The following DYNC1I1 variants were observed in gnomAD, a reference collection of about 807,000 sequenced individuals.
DYNC1I1 encodes the protein cytoplasmic dynein 1 intermediate chain 1.
Under a neutral mutation model 86.6 loss-of-function variants are expected in DYNC1I1, and 43 were observed. The observed-to-expected ratio is 0.50, with a 90% CI of 0.39 to 0.64. The LOEUF (loss-of-function observed/expected upper bound fraction) is 0.64, where lower values mean the gene tolerates loss of function less well. Ranked by LOEUF, DYNC1I1 falls within the 30% of genes least tolerant of loss-of-function variation. The probability of loss-of-function intolerance (pLI) is 0.00; values close to 1 mark genes in which losing one functional copy is unlikely to be tolerated. For synonymous variants in DYNC1I1, 262 were observed against 283.7 expected (o/e 0.92, Z 0.77); for missense variants, 604 against 788.8 (o/e 0.77, Z 2.81).
At position 96,097,646 on chromosome 7, in the gene DYNC1I1, C is replaced by T. The variant is rs1224064746; in HGVS notation, c.*53C>T. 58 of 1,606,466 alleles carry T rather than the reference C, an allele frequency of 3.6e-5. No individual in the cohort carries two copies. The highest frequency in any genetic ancestry group is 4.9e-5 in the Non-Finnish European group (58 of 1,175,932). The stretch of plus-strand genomic sequence containing the variant: ...CCCACCTTTGTGTCCTAGAGCTCAG[C>T]GTCTGCAGTCAAGTCTCTTGTATTC... On this transcript the variant is annotated 3_prime_UTR_variant, in exon 17 of 17. Coordinates refer to ENST00000447467, the MANE Select transcript of DYNC1I1 (RefSeq NM_001135556.2).
intron 5 of DYNC1I1, among the ~76,000 whole-genome samples, chr7:95,845,968 A>G (rs1246600146): frequency 6.6e-6 from 1 of 152,170 alleles, no homozygotes; most frequent in Non-Finnish European, 1.5e-5. Context: ...TCAAAGAACA[A>G]TATTTCTTTT....
intron 14 of DYNC1I1, among the ~76,000 whole-genome samples, chr7:96,074,550 C>CAAAAAA (rs61571160): frequency 1.5e-5 from 1 of 66,936 alleles, no homozygotes; most frequent in Non-Finnish European, 3.1e-5. Context: ...GACTCCGTCT[C>CAAAAAA]AAAAAAAAAA....
chr7:96,028,312 T>G lies in DYNC1I1; in HGVS notation c.1107T>G (p.Ala369=). 1 of 1,608,848 alleles carries G rather than the reference T, an allele frequency of 6.2e-7. No individual in the cohort carries two copies. Among genetic ancestry groups the G allele is most frequent in the Non-Finnish European group, 8.5e-7 (1 of 1,175,850 alleles). Residue 369 remains alanine (A), a synonymous_variant, in exon 11 of 17, where the codon GCT becomes GCG. Coordinates refer to ENST00000447467, the MANE Select transcript of DYNC1I1 (RefSeq NM_001135556.2). ...TGCAGCGGACACCCTTATCAGCTGC[T>G]GCACACACGGTAATGCAAACTTTTG... The part of the protein sequence containing the change: ...TPVQRTPLSA[A]AHTHPVYCVN...
chr7:95,961,928 C>G (rs113483594), intron 6 of DYNC1I1, among the ~76,000 whole-genome samples: 4,472 of 152,240 alleles, frequency 0.029, 94 homozygotes, highest in South Asian at 0.1. Context: ...TTTGTCTTCC[C>G]TTGACCTTGA....
chr7:95,808,003 G>A (rs1794741275), intron 2 of DYNC1I1, among the ~76,000 whole-genome samples: 1 of 152,094 alleles, frequency 6.6e-6, no homozygotes, highest in South Asian at 2.1e-4. Context: ...GAATGAATGA[G>A]TGAATAAATG....
At chr7:95,926,417 T>C (rs1399529124) in intron 6 of DYNC1I1, among the ~76,000 whole-genome samples, 1 of 152,178 alleles carries the variant, frequency 6.6e-6, no homozygotes, top group Non-Finnish European at 1.5e-5. Flanking sequence ...CAAAAATGTA[T>C]GTGAATCTGA....
chr7:95,899,376 C>A (rs1319009514), intron 6 of DYNC1I1, among the ~76,000 whole-genome samples: 1 of 152,134 alleles, frequency 6.6e-6, no homozygotes, highest in Non-Finnish European at 1.5e-5. Flanking sequence ...CGGGATGCCT[C>A]CATGGGCCAT....
At chr7:95,943,347 C>G (rs1792294142) in intron 6 of DYNC1I1, among the ~76,000 whole-genome samples, 1 of 151,694 alleles carries the variant, frequency 6.6e-6, no homozygotes, top group Admixed American at 6.6e-5. Context: ...AGGAGAACTA[C>G]AAACCACTGC....
Position 95,912,834 on chromosome 7 carries a change from C to T in DYNC1I1, c.490+42836C>T, listed in dbSNP as rs182349749. ...CAGCTTCTAAACAGTGGGAGGACCA[C>T]CTCAAAGGCAGGAGATTGGTGGGCT... On this transcript the variant is annotated intron_variant, in intron 6 of 16. Transcript: ENST00000447467. Among the ~76,000 whole-genome samples the T allele has an allele frequency of 3.3e-5, 5 of 152,264 alleles. No individual in the cohort carries two copies. The East Asian group carries it at 9.7e-4, about 29-fold the overall frequency.
intron 6 of DYNC1I1, among the ~76,000 whole-genome samples, chr7:95,976,317 C>T (rs1345551837): frequency 6.6e-6 from 1 of 152,134 alleles, no homozygotes; most frequent in Non-Finnish European, 1.5e-5. Context: ...CTATATTTTA[C>T]ATATCTGTAT....
chr7:95,869,102 A>G lies in DYNC1I1; in HGVS notation c.375-781A>G, dbSNP rs1206487132. Among the ~76,000 whole-genome samples the G allele has an allele frequency of 6.6e-5, 10 of 152,202 alleles. No homozygotes were observed. In the East Asian group the frequency reaches 1.9e-3, roughly 29 times the overall value. ...TATACTTGGGCACATCTCTTAACGG[A>G]ATCTCACTATCCTCATCTGTAAAAT... On this transcript the variant is annotated intron_variant, in intron 5 of 16. Transcript: ENST00000447467.
At chr7:95,858,709 A>G (rs576165388) in intron 5 of DYNC1I1, among the ~76,000 whole-genome samples, 1 of 151,790 alleles carries the variant, frequency 6.6e-6, no homozygotes, top group South Asian at 2.1e-4. Context: ...CATACATATG[A>G]TGCATTGTTG....
Position 95,979,015 on chromosome 7 carries a change from C to T in DYNC1I1, c.580+1414C>T, listed in dbSNP as rs1041431283. On this transcript the variant is annotated intron_variant, in intron 7 of 16. Coordinates refer to ENST00000447467, the MANE Select transcript of DYNC1I1 (RefSeq NM_001135556.2). ...TTCACCATACTGGCCAGGCTGGTCT[C>T]GAACTCCTGACCTCGTGATCCACCC... Among the ~76,000 whole-genome samples the T allele has an allele frequency of 7.2e-5, 11 of 152,062 alleles. No homozygotes were observed. The South Asian group carries it at 2.1e-3, about 29-fold the overall frequency.
intron 6 of DYNC1I1, among the ~76,000 whole-genome samples, chr7:95,880,739 G>T (rs938052060): frequency 6.8e-6 from 1 of 146,106 alleles, no homozygotes; most frequent in African/African-American, 2.6e-5. Context: ...TCCGCCTCCT[G>T]AGTTCAACCG....
chr7:96,055,495 G>A (rs978162616), intron 14 of DYNC1I1, among the ~76,000 whole-genome samples: 7 of 152,086 alleles, frequency 4.6e-5, no homozygotes, highest in African/African-American at 1.7e-4. Flanking sequence ...AGTACCAGAA[G>A]AATGAGAATA....
At position 95,912,677 on chromosome 7, in the gene DYNC1I1, T is replaced by C. The variant is rs557999293; in HGVS notation, c.490+42679T>C. On this transcript the variant is annotated intron_variant, in intron 6 of 16. Transcript: ENST00000447467. ...AGGCTTGCCCCCTCTTTGACCAACATGCCAGGCAGCTTTGGAGGCGGGAGG... is the reference window on the plus strand; with the variant it reads ...AGGCTTGCCCCCTCTTTGACCAACACGCCAGGCAGCTTTGGAGGCGGGAGG... Among the ~76,000 whole-genome samples the C allele has an allele frequency of 3.3e-5, 5 of 152,296 alleles. 1 individual carries two copies. The South Asian group carries it at 1.0e-3, about 32-fold the overall frequency.
intron 6 of DYNC1I1, among the ~76,000 whole-genome samples, chr7:95,892,636 G>C (rs1790774415): frequency 6.6e-6 from 1 of 151,968 alleles, no homozygotes; most frequent in Non-Finnish European, 1.5e-5. Flanking sequence ...TAGTAGAGAT[G>C]GGGTTTCACC....
intron 15 of DYNC1I1, among the ~76,000 whole-genome samples, chr7:96,078,269 A>G (rs1310193281): frequency 1.3e-5 from 2 of 152,218 alleles, no homozygotes; most frequent in East Asian, 3.8e-4. Context: ...TTTATGATAT[A>G]TAAATCTTGC....
At chr7:95,886,384 A>C (rs991895039) in intron 6 of DYNC1I1, among the ~76,000 whole-genome samples, 1 of 152,144 alleles carries the variant, frequency 6.6e-6, no homozygotes, top group Non-Finnish European at 1.5e-5. Flanking sequence ...CAGTGAGCCG[A>C]GATGGCACTA....
Sources: allele counts gnomAD v4.1 joint callset (sites outside exome capture counted in the v4.1 genomes callset), GRCh38; gene constraint gnomAD v4.1.1; transcripts MANE v1.5; gene names NCBI Gene and HGNC (gene_info 2026-07-23, HGNC 2026-07-21).